The following CFI variants were observed in gnomAD, a reference collection of about 807,000 sequenced individuals.
CFI encodes complement factor I.
In CFI, 66 loss-of-function variants were observed where a neutral mutation model predicts 78.8. The ratio of observed to expected loss-of-function variants is 0.84; its 90% CI spans 0.69 to 1.03. The LOEUF (loss-of-function observed/expected upper bound fraction) is 1.03, where lower values mean the gene tolerates loss of function less well. Among genes scored for constraint, CFI ranks in the 50% least tolerant of loss-of-function variants. CFI has a pLI of 0.00. For synonymous variants in CFI, 250 were observed against 232.6 expected, an observed-to-expected ratio of 1.07 and a Z score of -0.68; for missense variants, 706 against 704.5, an observed-to-expected ratio of 1.00 and a Z score of -0.02.
At chr4:109,741,237 T>C (rs1431696335) in intron 12 of CFI, 127 bp from the exon 13 acceptor site, 4 of 1,523,734 alleles carry the variant, frequency 2.6e-6, no homozygotes, top group Non-Finnish European at 2.6e-6. Flanking sequence ...GCATGGGCTC[T>C]CCTTAGAGTC....
At chr4:109,795,714 G>A (rs1731970767) in intron 1 of CFI, among the ~76,000 whole-genome samples, 1 of 151,990 alleles carries the variant, frequency 6.6e-6, no homozygotes. Flanking sequence ...ATACAATAAA[G>A]GAACTGAAAA....
At chr4:109,790,605 A>G (rs925598706) in intron 1 of CFI, among the ~76,000 whole-genome samples, 4 of 152,088 alleles carry the variant, frequency 2.6e-5, no homozygotes, top group African/African-American at 9.7e-5. Flanking sequence ...CCATCTTCTA[A>G]TAGGCCCAGT....
rs1292929833 is a variant in CFI, at chr4:109,746,486, G to A, written c.1165C>T (p.Arg389Cys). ...ACTACTGTTGTCCATATTTGGTAAC[G>A]ATGAGTTTTACTGGCTCTATAACAG... ...AHCLRASKTHRYQIWTTVVDW... is the reference protein window; with the variant it reads ...AHCLRASKTHCYQIWTTVVDW... The change falls in exon 11 of 13, where the codon CGT becomes TGT. Residue 389 changes from arginine to cysteine, a missense_variant. Transcript: ENST00000394634. 3.7e-6 allele frequency: 6 copies of A among 1,611,246 alleles called. No individual in the cohort carries two copies. Among genetic ancestry groups the A allele is most frequent in the South Asian group, 1.1e-5 (1 of 90,740 alleles).
chr4:109,759,779 AGC>A (rs1194059194), intron 6 of CFI, among the ~76,000 whole-genome samples: 1 of 152,184 alleles, frequency 6.6e-6, no homozygotes, highest in Non-Finnish European at 1.5e-5. Context: ...CTGTAATCCC[AGC>A]TACTTGGGAG....
At chr4:109,775,388 G>C (rs1045903703) in intron 1 of CFI, among the ~76,000 whole-genome samples, 19 of 152,196 alleles carry the variant, frequency 1.2e-4, no homozygotes, top group African/African-American at 4.3e-4. Context: ...CACCCACGGA[G>C]CCCCACTCAT....
In CFI at chr4:109,771,789, G is replaced by A. The variant is rs1378905958; in HGVS notation, c.58-4965C>T. On this transcript the variant is annotated intron_variant, in intron 1 of 12. Coordinates refer to ENST00000394634, the MANE Select transcript of CFI (RefSeq NM_000204.5). ...GCTCTGAAGCAGGAGAACATTTGAT[G>A]GGATAGTAGCATAAAGGGCCACGGA... Among the ~76,000 whole-genome samples, 6 of 150,458 alleles carry A rather than the reference G, an allele frequency of 4.0e-5. No homozygotes were observed. In the East Asian group the frequency reaches 1.2e-3, roughly 29 times the overall value.
intron 2 of CFI, among the ~76,000 whole-genome samples, chr4:109,765,292 T>A (rs1443135531): frequency 6.6e-6 from 1 of 152,188 alleles, no homozygotes; most frequent in Non-Finnish European, 1.5e-5. Flanking sequence ...AGCTGATATA[T>A]GTCATGGTGC....
chr4:109,779,700 A>G (rs1330855924), intron 1 of CFI, among the ~76,000 whole-genome samples: 1 of 152,208 alleles, frequency 6.6e-6, no homozygotes, highest in Non-Finnish European at 1.5e-5. Context: ...AAAAGAAGAA[A>G]GCTGGAGGCA....
intron 1 of CFI, among the ~76,000 whole-genome samples, chr4:109,795,132 T>C (rs2125871015): frequency 6.6e-6 from 1 of 152,328 alleles, no homozygotes; most frequent in Non-Finnish European, 1.5e-5. Context: ...AGAGATTCCT[T>C]TGGATCATGA....
At chr4:109,782,560 T>C (rs529470549) in intron 1 of CFI, among the ~76,000 whole-genome samples, 1 of 152,138 alleles carries the variant, frequency 6.6e-6, no homozygotes, top group Non-Finnish European at 1.5e-5. Context: ...CCCATGCTCA[T>C]GGATGGATAG....
chr4:109,764,382 G>A, intron 3 of CFI, 155 bp downstream of exon 3: 1 of 825,412 alleles, frequency 1.2e-6, no homozygotes, highest in Non-Finnish European at 2.0e-6. Context: ...GGGTAAACAT[G>A]AATGCATATC....
chr4:109,790,958 A>G lies in CFI; in HGVS notation c.57+10957T>C, dbSNP rs185199316. Among the ~76,000 whole-genome samples the G allele has an allele frequency of 5.6e-4, 86 of 152,318 alleles. 1 individual carries two copies. The highest frequency in any genetic ancestry group is 2.0e-3 in the African/African-American group (84 of 41,576). ...GAACAATTTGTACTCCTTTAGGTAT[A>G]TACCCAGTAATGGGATTGCTGGGTT... On this transcript the variant is annotated intron_variant, in intron 1 of 12. Coordinates refer to ENST00000394634, the MANE Select transcript of CFI (RefSeq NM_000204.5).
intron 1 of CFI, among the ~76,000 whole-genome samples, chr4:109,790,539 TA>T (rs1731248667): frequency 6.6e-6 from 1 of 152,080 alleles, no homozygotes; most frequent in African/African-American, 2.4e-5. Context: ...ATCACCCAGG[TA>T]TTAAGCCTAG....
intron 1 of CFI, among the ~76,000 whole-genome samples, chr4:109,789,270 A>C (rs1731089640): frequency 6.6e-6 from 1 of 152,052 alleles, no homozygotes. Flanking sequence ...ATGAGGGAAC[A>C]AAAAACATAT....
At chr4:109,782,598 G>A (rs1730200946) in intron 1 of CFI, among the ~76,000 whole-genome samples, 2 of 151,772 alleles carry the variant, frequency 1.3e-5, no homozygotes, top group South Asian at 2.1e-4. Context: ...TGCCCATACC[G>A]CCAAAAGAAA....
At chr4:109,766,447 T>TTG in intron 2 of CFI, 107 bp downstream of exon 2, 1 of 1,353,862 alleles carries the variant, frequency 7.4e-7, no homozygotes, top group Non-Finnish European at 1.0e-6. Context: ...AAAAAAATTT[T>TTG]GAGTTGTCAT....
chr4:109,759,029 G>A (rs956533517), intron 6 of CFI, among the ~76,000 whole-genome samples: 15 of 152,166 alleles, frequency 9.9e-5, no homozygotes, highest in African/African-American at 2.9e-4. Context: ...GGAGGCAGAG[G>A]TTGCAGTGAG....
At chr4:109,779,869 A>G (rs1403951669) in intron 1 of CFI, among the ~76,000 whole-genome samples, 1 of 152,186 alleles carries the variant, frequency 6.6e-6, no homozygotes, top group African/African-American at 2.4e-5. Flanking sequence ...ACCTGACAAC[A>G]AGAAATGGGG....
At chr4:109,796,840 T>A (rs879368836) in intron 1 of CFI, among the ~76,000 whole-genome samples, 2 of 152,130 alleles carry the variant, frequency 1.3e-5, no homozygotes, top group Admixed American at 1.3e-4. Flanking sequence ...GTTAAAAGAA[T>A]AAAGCACTTA....
Sources: allele counts gnomAD v4.1 joint callset (sites outside exome capture counted in the v4.1 genomes callset), GRCh38; gene constraint gnomAD v4.1.1; transcripts MANE v1.5; gene names NCBI Gene and HGNC (gene_info 2026-07-23, HGNC 2026-07-21).